KCNQ1: variants seen among roughly 807,000 people sequenced by gnomAD.
KCNQ1 encodes the protein potassium voltage-gated channel subfamily KQT member 1.
Under a neutral mutation model 72.4 loss-of-function variants are expected in KCNQ1, and 49 were observed. The observed-to-expected ratio is 0.68, with a 90% CI of 0.54 to 0.86. KCNQ1 has a LOEUF of 0.86. Ranked by LOEUF, KCNQ1 falls within the 40% of genes least tolerant of loss-of-function variation. The pLI is 0.00. For missense variants in KCNQ1, 790 were observed against 945.1 expected (o/e 0.84, Z 2.15); for synonymous variants, 450 against 412.6 (o/e 1.09, Z -1.10).
intron 1 of KCNQ1, among the ~76,000 whole-genome samples, chr11:2,500,263 CAT>C (rs1298927852): frequency 1.3e-5 from 2 of 152,132 alleles, no homozygotes; most frequent in Non-Finnish European, 2.9e-5. Context: ...AGCCAAAAAA[CAT>C]ATGAAAATGT....
Position 2,782,121 on chromosome 11 carries a change from A to G in KCNQ1, c.1794+4084A>G, listed in dbSNP as rs150561723. On this transcript the variant is annotated intron_variant, in intron 15 of 15. Coordinates refer to ENST00000155840, the MANE Select transcript of KCNQ1 (RefSeq NM_000218.3). This position sits in a 1 kb window ranked among gnomAD's most constrained non-coding sequence, Gnocchi z 6.1. ...CAACCAGGCCACAAGCTGGACCCCA[A>G]GGCTTTTTTGTCTTGGGCAGTTCCC... Among the ~76,000 whole-genome samples, 2 of 152,144 alleles carry G rather than the reference A, an allele frequency of 1.3e-5. No homozygotes were observed. Among genetic ancestry groups the G allele is most frequent in the Non-Finnish European group, 2.9e-5 (2 of 68,008 alleles).
rs1009744188 is a variant in KCNQ1 at position 2,537,907 on chromosome 11, G to T, written c.477+9889G>T. On this transcript the variant is annotated intron_variant, in intron 2 of 15. Transcript: ENST00000155840. The surrounding 1 kb of genome is among the most constrained non-coding windows in gnomAD (Gnocchi z 5.2). ...ATTTTTGTATTTTTTGTAGAGATAG[G>T]GTTTTGCCATGTTACCTAGGCTGGT... Among the ~76,000 whole-genome samples, 3 of 152,026 alleles carry T rather than the reference G, an allele frequency of 2.0e-5. No homozygotes were observed. The highest frequency in any genetic ancestry group is 4.4e-5 in the Non-Finnish European group (3 of 68,014).
In KCNQ1 at chr11:2,712,396, G is replaced by A. The variant is rs1414348846; in HGVS notation, c.1514+50315G>A. Among the ~76,000 whole-genome samples the A allele has an allele frequency of 6.6e-6, 1 of 152,172 alleles. No individual in the cohort carries two copies. Among genetic ancestry groups the A allele is most frequent in the African/African-American group, 2.4e-5 (1 of 41,440 alleles). On this transcript the variant is annotated intron_variant, in intron 11 of 15. Coordinates refer to ENST00000155840, the MANE Select transcript of KCNQ1 (RefSeq NM_000218.3). The surrounding 1 kb of genome is among the most constrained non-coding windows in gnomAD (Gnocchi z 6.4). Reference sequence around the variant, plus strand: ...CAAATGGGGCAGGAACAGGAGTCCGGCCTGGGGGATGTTAGACTCACCAGC... The same window carrying A: ...CAAATGGGGCAGGAACAGGAGTCCGACCTGGGGGATGTTAGACTCACCAGC...
At position 2,682,926 on chromosome 11, in the gene KCNQ1, C is replaced by G. The variant is rs1188232210; in HGVS notation, c.1514+20845C>G. The G allele has an allele frequency of 5.0e-6, 2 of 398,432 alleles. No homozygotes were observed. Among genetic ancestry groups the G allele is most frequent in the Non-Finnish European group, 8.8e-6 (2 of 226,074 alleles). 24.7% of individuals were successfully genotyped at this position (398,432 alleles called of 1,614,324 possible). A position where few individuals can be genotyped will look rare whatever the true frequency, so the allele number is the denominator to read the frequency against. On this transcript the variant is annotated intron_variant, in intron 11 of 15. Coordinates refer to ENST00000155840, the MANE Select transcript of KCNQ1 (RefSeq NM_000218.3). This position sits in a 1 kb window ranked among gnomAD's most constrained non-coding sequence, Gnocchi z 5.8. The stretch of plus-strand genomic sequence containing the variant: ...AAATGGTGGCACCTGGAGAGGTGCT[C>G]AGGTCTGTGTGGAAGAAAGGACAGG...
Position 2,652,727 on chromosome 11 carries a change from CT to C in KCNQ1, c.1394-9233del. 1 of 398,934 alleles carries C rather than the reference CT, an allele frequency of 2.5e-6. No homozygotes were observed. The highest frequency in any genetic ancestry group is 4.4e-6 in the Non-Finnish European group (1 of 226,334). 24.7% of individuals were successfully genotyped at this position (398,934 alleles called of 1,614,324 possible). A position where few individuals can be genotyped will look rare whatever the true frequency, so the allele number is the denominator to read the frequency against. ...TTTCCGTTTCCTGGGCTCACTCACGCTCAGGGTTGACCCTGTCCTGGCTCTG... is the reference window on the plus strand; with the variant it reads ...TTTCCGTTTCCTGGGCTCACTCACGCCAGGGTTGACCCTGTCCTGGCTCTG... On this transcript the variant is annotated intron_variant, in intron 10 of 15. Transcript: ENST00000155840. This position sits in a 1 kb window ranked among gnomAD's most constrained non-coding sequence, Gnocchi z 5.9.
At position 2,613,680 on chromosome 11, in the gene KCNQ1, C is replaced by G; in HGVS notation, c.1393+24826C>G. 2.5e-6 allele frequency: 1 copy of G among 398,380 alleles called. No homozygotes were observed. Among genetic ancestry groups the G allele is most frequent in the Admixed American group, 4.4e-5 (1 of 22,714 alleles). 24.7% of individuals were successfully genotyped at this position (398,380 alleles called of 1,614,324 possible). A position where few individuals can be genotyped will look rare whatever the true frequency, so the allele number is the denominator to read the frequency against. ...TCATTCCACCACCTCAGAAGTGGTC[C>G]CTATCTTGTTAATTTTATTTTTTGA... On this transcript the variant is annotated intron_variant, in intron 10 of 15. Coordinates refer to ENST00000155840, the MANE Select transcript of KCNQ1 (RefSeq NM_000218.3). The surrounding 1 kb of genome is among the most constrained non-coding windows in gnomAD (Gnocchi z 4.8).
rs1316938470 is a variant in KCNQ1 at position 2,457,434 on chromosome 11, T to C, written c.386+11950T>C. On this transcript the variant is annotated intron_variant, in intron 1 of 15. Transcript: ENST00000155840. This position sits in a 1 kb window ranked among gnomAD's most constrained non-coding sequence, Gnocchi z 5.0. ...AAGCAAATGTGATATATATACACCA[T>C]GGAATACTATGCAGACGTGAAAATC... 1.3e-5 allele frequency among the ~76,000 whole-genome samples: 2 copies of C among 152,230 alleles called. No homozygotes were observed. Among genetic ancestry groups the C allele is most frequent in the Non-Finnish European group, 2.9e-5 (2 of 68,040 alleles).
intron 1 of KCNQ1, among the ~76,000 whole-genome samples, chr11:2,520,407 C>T (rs776151106): frequency 9.2e-5 from 14 of 152,204 alleles, no homozygotes; most frequent in Non-Finnish European, 1.8e-4. Flanking sequence ...AGATGCCTGG[C>T]CCAGGCTCCA....
chr11:2,660,869 G>A, intron 10 of KCNQ1: 2 of 398,588 alleles, frequency 5.0e-6, no homozygotes, highest in East Asian at 7.1e-5. Flanking sequence ...TAAGAATAAA[G>A]ATGAATATGG....
rs1477456212 is a variant in KCNQ1 at position 2,611,198 on chromosome 11, G to A, written c.1393+22344G>A. The A allele has an allele frequency of 2.5e-6, 1 of 398,106 alleles. No homozygotes were observed. Among genetic ancestry groups the A allele is most frequent in the East Asian group, 3.6e-5 (1 of 28,070 alleles). The allele number at this position is 398,106 out of a possible 1,614,324, so 24.7% of individuals were successfully genotyped here. A position where few individuals can be genotyped will look rare whatever the true frequency, so the allele number is the denominator to read the frequency against. On this transcript the variant is annotated intron_variant, in intron 10 of 15. Transcript: ENST00000155840. This position sits in a 1 kb window ranked among gnomAD's most constrained non-coding sequence, Gnocchi z 5.3. ...TCTAATAACATGGTTTGTTTTTAAA[G>A]TCTATTTTGTCTGATTTTATTTATT...
Position 2,687,748 on chromosome 11 carries a change from C to T in KCNQ1, c.1514+25667C>T, listed in dbSNP as rs537705689. 215 of 398,716 alleles carry T rather than the reference C, an allele frequency of 5.4e-4. No homozygotes were observed. The highest frequency in any genetic ancestry group is 6.4e-4 in the South Asian group (5 of 7,868). 24.7% of individuals were successfully genotyped at this position (398,716 alleles called of 1,614,324 possible). Reference sequence around the variant, plus strand: ...CAGTAACCAGCAAATCATGGGGAGACTGAGAAGAGGAGCCCCTTAGCAGGC... The same window carrying T: ...CAGTAACCAGCAAATCATGGGGAGATTGAGAAGAGGAGCCCCTTAGCAGGC... On this transcript the variant is annotated intron_variant, in intron 11 of 15. Coordinates refer to ENST00000155840, the MANE Select transcript of KCNQ1 (RefSeq NM_000218.3). This position sits in a 1 kb window ranked among gnomAD's most constrained non-coding sequence, Gnocchi z 5.0.
At chr11:2,842,497 AG>A (rs1848233537) in intron 15 of KCNQ1, among the ~76,000 whole-genome samples, 1 of 152,206 alleles carries the variant, frequency 6.6e-6, no homozygotes, top group Admixed American at 6.5e-5. Context: ...ACAAAGGCCC[AG>A]GGGCCTGGGG....
rs1038216423 is a variant in KCNQ1, at chr11:2,562,278, G to T, written c.478-8350G>T. Among the ~76,000 whole-genome samples, 10 of 152,152 alleles carry T rather than the reference G, an allele frequency of 6.6e-5. No homozygotes were observed. Among genetic ancestry groups the T allele is most frequent in the Admixed American group, 2.0e-4 (3 of 15,282 alleles). ...AGCTGTGCCCAGCACGTCACTGGGG[G>T]CCCACAAGCTCTCAGCACAGGCTGG... On this transcript the variant is annotated intron_variant, in intron 2 of 15. Transcript: ENST00000155840. The surrounding 1 kb of genome is among the most constrained non-coding windows in gnomAD (Gnocchi z 7.5).
At chr11:2,556,192 G>C (rs1230871023) in intron 2 of KCNQ1, among the ~76,000 whole-genome samples, 3 of 152,174 alleles carry the variant, frequency 2.0e-5, no homozygotes, top group Non-Finnish European at 4.4e-5. Context: ...CCATGTCCAG[G>C]TTTCCCGTTT....
chr11:2,520,582 C>T (rs1000803074), intron 1 of KCNQ1, among the ~76,000 whole-genome samples: 2 of 152,176 alleles, frequency 1.3e-5, no homozygotes, highest in Admixed American at 6.5e-5. Flanking sequence ...CCCTGGGGAA[C>T]AGCCCTGGCA....
At chr11:2,665,823 C>T (rs1034314956) in intron 11 of KCNQ1, 10 of 398,520 alleles carry the variant, frequency 2.5e-5, no homozygotes, top group Non-Finnish European at 4.0e-5. Flanking sequence ...CACATTGTGC[C>T]AGTGCTGAGG....
intron 10 of KCNQ1, chr11:2,618,650 C>G: frequency 2.5e-6 from 1 of 398,476 alleles, no homozygotes; most frequent in Non-Finnish European, 4.4e-6. Flanking sequence ...TTTTTCAGAA[C>G]AGAATTTTCA....
At chr11:2,751,633 C>A (rs528434905) in intron 11 of KCNQ1, among the ~76,000 whole-genome samples, 1 of 152,272 alleles carries the variant, frequency 6.6e-6, no homozygotes, top group African/African-American at 2.4e-5. Context: ...GTCTGACAGG[C>A]GGCTGTTCTG....
Position 2,451,464 on chromosome 11 carries a change from A to G in KCNQ1, c.386+5980A>G, listed in dbSNP as rs1205736511. 1.3e-5 allele frequency among the ~76,000 whole-genome samples: 2 copies of G among 152,288 alleles called. No homozygotes were observed. Among genetic ancestry groups the G allele is most frequent in the East Asian group, 3.9e-4 (2 of 5,168 alleles). Reference sequence around the variant, plus strand: ...GGGTTGGAGAACCCTGTCTTAGAGGATTGAGGCTCGGGGCCATGGGATCGG... The same window carrying G: ...GGGTTGGAGAACCCTGTCTTAGAGGGTTGAGGCTCGGGGCCATGGGATCGG... On this transcript the variant is annotated intron_variant, in intron 1 of 15. Transcript: ENST00000155840. This position sits in a 1 kb window ranked among gnomAD's most constrained non-coding sequence, Gnocchi z 6.4.
Sources: allele counts gnomAD v4.1 joint callset (sites outside exome capture counted in the v4.1 genomes callset), GRCh38; gene constraint gnomAD v4.1.1; non-coding constraint Gnocchi (gnomAD v3.1); transcripts MANE v1.5; gene names NCBI Gene and HGNC (gene_info 2026-07-23, HGNC 2026-07-21).